Variants in GTF3C1 observed in about 807,000 individuals in gnomAD.
The protein encoded by GTF3C1 is general transcription factor IIIC subunit 1.
In GTF3C1, 57 loss-of-function variants were observed where a neutral mutation model predicts 226.7. That is an observed-to-expected ratio of 0.25 (90% CI 0.20 to 0.31). The LOEUF (loss-of-function observed/expected upper bound fraction) is 0.31. Among genes scored for constraint, GTF3C1 ranks in the 10% least tolerant of loss-of-function variants. The pLI, the probability that GTF3C1 is intolerant of heterozygous loss-of-function variation, is 1.00. For synonymous variants in GTF3C1, 1,090 were observed against 1,084.8 expected (o/e 1.00, Z -0.09); for missense variants, 2,217 against 2,776.1 (o/e 0.80, Z 4.53).
At chr16:27,522,266 C>A (rs1174663275) in intron 6 of GTF3C1, among the ~76,000 whole-genome samples, 1 of 152,340 alleles carries the variant, frequency 6.6e-6, no homozygotes, top group Non-Finnish European at 1.5e-5. Context: ...TGTCTCCCTG[C>A]ACCCCTCCCC....
In GTF3C1 at chr16:27,460,631, A is replaced by T. The variant is rs1227004782; in HGVS notation, c.*719T>A. On this transcript the variant is annotated 3_prime_UTR_variant, in exon 37 of 37. Coordinates refer to ENST00000356183, the MANE Select transcript of GTF3C1 (RefSeq NM_001520.4). ...AACAGAATGCATTTTACTTCCCTTT[A>T]ATCAAAAAATAAATAAGTACACTCC... 6.6e-6 allele frequency: 1 copy of T among 152,250 alleles called. No individual in the cohort carries two copies. The highest frequency in any genetic ancestry group is 2.4e-5 in the African/African-American group (1 of 41,466). 9.4% of individuals were successfully genotyped at this position (152,250 alleles called of 1,614,324 possible).
rs558129318 is a variant in GTF3C1, at chr16:27,527,767, T to G, written c.973+831A>C. Among the ~76,000 whole-genome samples, 3 of 152,216 alleles carry G rather than the reference T, an allele frequency of 2.0e-5. No individual in the cohort carries two copies. The South Asian group carries it at 6.2e-4, about 32-fold the overall frequency. Reference sequence around the variant, plus strand: ...CTGTAATCCCAGCACTTTGCAGGGCTGAGGCGGGTGGATCACTTGAGTCCA... The same window carrying G: ...CTGTAATCCCAGCACTTTGCAGGGCGGAGGCGGGTGGATCACTTGAGTCCA... On this transcript the variant is annotated intron_variant, in intron 6 of 36. Coordinates refer to ENST00000356183, the MANE Select transcript of GTF3C1 (RefSeq NM_001520.4).
intron 34 of GTF3C1, 125 bp downstream of exon 34, chr16:27,464,195 G>A (rs1343475580): frequency 1.8e-6 from 1 of 548,038 alleles, no homozygotes; most frequent in Non-Finnish European, 2.9e-6. Flanking sequence ...AGAAGCTGAA[G>A]TCAAGCCCCT....
intron 23 of GTF3C1, among the ~76,000 whole-genome samples, chr16:27,486,517 C>T (rs1474131654): frequency 1.3e-5 from 2 of 152,156 alleles, no homozygotes; most frequent in African/African-American, 2.4e-5. Context: ...GCGTACCCAC[C>T]GAGTGAGCAG....
In GTF3C1 at chr16:27,469,310, G is replaced by A. The variant is rs1251916445; in HGVS notation, c.5055C>T (p.Pro1685=). ...ACTCACCAGCGGGCCTGAGCCGGGC[G>A]GGCACAGGGGTGCAGCGGAGCTGGA... ...MKFQLRCTPV[P]ARLRPAAAPL... The change falls in exon 32 of 37, where the codon CCC becomes CCT. Residue 1685 remains proline (P), a synonymous_variant. Transcript: ENST00000356183. This position sits in a 1 kb window ranked among gnomAD's most constrained non-coding sequence, Gnocchi z 4.5. 5.1e-6 allele frequency: 8 copies of A among 1,571,024 alleles called. No individual in the cohort carries two copies. The highest frequency in any genetic ancestry group is 2.7e-5 in the African/African-American group (2 of 74,250).
chr16:27,475,171 G>A (rs1410633494), intron 29 of GTF3C1, among the ~76,000 whole-genome samples: 1 of 152,220 alleles, frequency 6.6e-6, no homozygotes, highest in Admixed American at 6.5e-5. Flanking sequence ...GTGGCCCATG[G>A]GCCCCTTCGG....
At chr16:27,530,349 C>T (rs1428458799) in intron 5 of GTF3C1, among the ~76,000 whole-genome samples, 1 of 152,172 alleles carries the variant, frequency 6.6e-6, no homozygotes, top group Non-Finnish European at 1.5e-5. Flanking sequence ...GGAAACTCAT[C>T]CATCAGATCC....
At chr16:27,505,121 C>T (rs539166848) in intron 10 of GTF3C1, among the ~76,000 whole-genome samples, 1 of 152,006 alleles carries the variant, frequency 6.6e-6, no homozygotes, top group African/African-American at 2.4e-5. Context: ...TTAGGTGAAC[C>T]GAATCACATA....
chr16:27,492,047 C>A lies in GTF3C1; in HGVS notation c.3151+291G>T, dbSNP rs2088240447. Among the ~76,000 whole-genome samples the A allele has an allele frequency of 6.6e-6, 1 of 152,194 alleles. No individual in the cohort carries two copies. Among genetic ancestry groups the A allele is most frequent in the South Asian group, 2.1e-4 (1 of 4,830 alleles). On this transcript the variant is annotated intron_variant, in intron 19 of 36. Transcript: ENST00000356183. This position sits in a 1 kb window ranked among gnomAD's most constrained non-coding sequence, Gnocchi z 5.0. The stretch of plus-strand genomic sequence containing the variant: ...GTTCTCATTGTGGCACTGTCAGGCA[C>A]AGGAAGTGACACACAGCCGGTGTGT...
At chr16:27,495,934 C>G (rs1488426433) in intron 14 of GTF3C1, among the ~76,000 whole-genome samples, 1 of 152,156 alleles carries the variant, frequency 6.6e-6, no homozygotes, top group African/African-American at 2.4e-5. Context: ...GGAGGGCAAT[C>G]GAGCAGGGAA....
Position 27,489,666 on chromosome 16 carries a change from C to G in GTF3C1, c.3229G>C (p.Glu1077Gln). 1 of 1,611,688 alleles carries G rather than the reference C, an allele frequency of 6.2e-7. No homozygotes were observed. Among genetic ancestry groups the G allele is most frequent in the Non-Finnish European group, 8.5e-7 (1 of 1,179,174 alleles). ...GSDEEGSLQK[E>Q]QESAMDKHNL... ...TGCTTGTCCATGGCGCTCTCCTGCT[C>G]CTTCTGCAGGCTGCCCTCCTCGTCG... The change falls in exon 20 of 37, where the codon GAG becomes CAG. Residue 1077 changes from glutamate to glutamine, a missense_variant. Coordinates refer to ENST00000356183, the MANE Select transcript of GTF3C1 (RefSeq NM_001520.4).
intron 32 of GTF3C1, among the ~76,000 whole-genome samples, chr16:27,467,278 A>T (rs2087798542): frequency 6.6e-6 from 1 of 152,248 alleles, no homozygotes; most frequent in Non-Finnish European, 1.5e-5. Context: ...AGGGCCCTTA[A>T]GAATTACGCT....
intron 32 of GTF3C1, chr16:27,465,755 C>T (rs1347595509): frequency 1.7e-6 from 1 of 577,872 alleles, no homozygotes; most frequent in African/African-American, 1.9e-5. Context: ...GACTGGGACA[C>T]AACAGCTGAC....
intron 23 of GTF3C1, among the ~76,000 whole-genome samples, chr16:27,486,582 C>T (rs555100791): frequency 3.9e-5 from 6 of 152,136 alleles, no homozygotes; most frequent in African/African-American, 9.7e-5. Flanking sequence ...TGTGACCACA[C>T]GGGCGTTGTG....
intron 8 of GTF3C1, among the ~76,000 whole-genome samples, chr16:27,508,331 A>G (rs1596641994): frequency 6.6e-6 from 1 of 152,342 alleles, no homozygotes; most frequent in East Asian, 1.9e-4. Context: ...CTGACAAGTC[A>G]TTCAATTCTT....
chr16:27,496,569 C>T (rs752048647), intron 14 of GTF3C1, among the ~76,000 whole-genome samples: 1 of 152,144 alleles, frequency 6.6e-6, no homozygotes, highest in African/African-American at 2.4e-5. Context: ...CCACACCCAG[C>T]TAATTTTTGT....
At chr16:27,484,390 T>C (rs1344653161) in intron 24 of GTF3C1, 37 bp from the exon 25 acceptor site, 3 of 1,510,040 alleles carry the variant, frequency 2.0e-6, no homozygotes, top group Non-Finnish European at 2.8e-6. Context: ...AAAGTCAGTA[T>C]CCTCAGAGAC....
Position 27,469,114 on chromosome 16 carries a change from C to A in GTF3C1, c.5074+177G>T, listed in dbSNP as rs1180443437. 1.3e-5 allele frequency among the ~76,000 whole-genome samples: 2 copies of A among 152,236 alleles called. No individual in the cohort carries two copies. Among genetic ancestry groups the A allele is most frequent in the African/African-American group, 4.8e-5 (2 of 41,468 alleles). On this transcript the variant is annotated intron_variant, in intron 32 of 36. Coordinates refer to ENST00000356183, the MANE Select transcript of GTF3C1 (RefSeq NM_001520.4). The surrounding 1 kb of genome is among the most constrained non-coding windows in gnomAD (Gnocchi z 4.5). ...CACAGAGGTGTGGGCACAGCACAGG[C>A]ACCTGGGGAAGGCATCCCTTGAGTT...
In GTF3C1 at chr16:27,470,134, T is replaced by C. The variant is rs750667895; in HGVS notation, c.4788A>G (p.Ser1596=). The change falls in exon 31 of 37, where the codon TCA becomes TCG. Residue 1596 remains serine, a synonymous_variant. Coordinates refer to ENST00000356183, the MANE Select transcript of GTF3C1 (RefSeq NM_001520.4). The surrounding 1 kb of genome is among the most constrained non-coding windows in gnomAD (Gnocchi z 4.9). The part of the protein sequence containing the change: ...IPEQIIVVDS[S]MVENEVIKSL... ...TTTTGATGACCTCATTCTCCACCAT[T>C]GAGCTGTCTACCACGATGATCTGCT... The C allele has an allele frequency of 1.9e-6, 3 of 1,613,688 alleles. No homozygotes were observed. The East Asian group carries it at 6.7e-5, about 36-fold the overall frequency.
Sources: gnomAD v4.1 joint callset for allele counts (sites outside exome capture counted in the v4.1 genomes callset) on GRCh38, gnomAD v4.1.1 for gene constraint, Gnocchi (gnomAD v3.1) non-coding constraint, MANE v1.5 for transcripts, NCBI Gene and HGNC (gene_info 2026-07-23, HGNC 2026-07-21) for gene names.